Variants in MYO1D observed in about 807,000 individuals in gnomAD.
The protein encoded by MYO1D is unconventional myosin-Id.
MYO1D carries 83 observed loss-of-function variants against 122.0 expected under a neutral mutation model. That is an observed-to-expected ratio of 0.68 (90% CI 0.57 to 0.82). The LOEUF (loss-of-function observed/expected upper bound fraction) is 0.82. Ranked by LOEUF, MYO1D falls within the 40% of genes least tolerant of loss-of-function variation. MYO1D has a pLI of 0.00. For missense variants in MYO1D, 1,157 were observed against 1,269.5 expected, an observed-to-expected ratio of 0.91 and a Z score of 1.35; for synonymous variants, 464 against 446.9, an observed-to-expected ratio of 1.04 and a Z score of -0.48.
chr17:32,570,514 C>T (rs914592603), intron 21 of MYO1D, among the ~76,000 whole-genome samples: 1 of 152,056 alleles, frequency 6.6e-6, no homozygotes, highest in Non-Finnish European at 1.5e-5. Flanking sequence ...CAGGCACCCG[C>T]CACATTTTTT....
intron 10 of MYO1D, chr17:32,759,754 A>C (rs1474906558): frequency 9.5e-6 from 2 of 211,492 alleles, no homozygotes; most frequent in African/African-American, 4.6e-5. Context: ...ACAAATACAA[A>C]AGTTCCCAAA....
chr17:32,666,261 C>T (rs143366097), intron 16 of MYO1D, among the ~76,000 whole-genome samples: 3 of 152,300 alleles, frequency 2.0e-5, no homozygotes, highest in Admixed American at 1.3e-4. Context: ...ACAGTCAGAA[C>T]AAGGCAAACT....
chr17:32,605,271 T>A, intron 20 of MYO1D, 30 bp from the exon 21 acceptor site: 1 of 1,536,022 alleles, frequency 6.5e-7, no homozygotes, highest in African/African-American at 1.4e-5. Context: ...GGAAAACTAT[T>A]TGGATCATTC....
intron 8 of MYO1D, among the ~76,000 whole-genome samples, chr17:32,761,982 T>C (rs2090006246): frequency 6.6e-6 from 1 of 152,030 alleles, no homozygotes; most frequent in Admixed American, 6.6e-5. Context: ...AGGAAAAAAT[T>C]ATTCTCTCTG....
intron 21 of MYO1D, among the ~76,000 whole-genome samples, chr17:32,555,239 C>T (rs993835846): frequency 1.3e-5 from 2 of 148,612 alleles, no homozygotes; most frequent in Non-Finnish European, 3.0e-5. Context: ...GTGTGGTTAG[C>T]ATGAAATACC....
chr17:32,847,885 C>A (rs1333552556), intron 1 of MYO1D, among the ~76,000 whole-genome samples: 1 of 152,112 alleles, frequency 6.6e-6, no homozygotes, highest in Non-Finnish European at 1.5e-5. Context: ...GTCCTCAGCA[C>A]ACAACAGTAC....
intron 8 of MYO1D, among the ~76,000 whole-genome samples, chr17:32,762,140 G>A (rs1449491302): frequency 3.3e-5 from 5 of 152,012 alleles, no homozygotes; most frequent in African/African-American, 1.2e-4. Context: ...AGAAGGATGA[G>A]TAAGAGGTAG....
intron 21 of MYO1D, among the ~76,000 whole-genome samples, chr17:32,548,643 T>C (rs1256252020): frequency 6.6e-6 from 1 of 151,966 alleles, no homozygotes; most frequent in Non-Finnish European, 1.5e-5. Context: ...CTGTGTTGCA[T>C]GGGACACCAA....
Position 32,493,816 on chromosome 17 carries a change from C to G in MYO1D, c.*943G>C, listed in dbSNP as rs2150847638. On this transcript the variant is annotated 3_prime_UTR_variant, in exon 22 of 22. Transcript: ENST00000318217. Reference sequence around the variant, plus strand: ...TGCCCCGCTTCCTGCTTCCCGTCATCCCGTGTCTTGACCCCGCCCTTGCTG... The same window carrying G: ...TGCCCCGCTTCCTGCTTCCCGTCATGCCGTGTCTTGACCCCGCCCTTGCTG... The G allele has an allele frequency of 6.6e-6, 1 of 152,514 alleles. No individual in the cohort carries two copies. Among genetic ancestry groups the G allele is most frequent in the African/African-American group, 2.4e-5 (1 of 41,580 alleles). The allele number at this position is 152,514 out of a possible 1,614,324, so 9.4% of individuals were successfully genotyped here.
intron 12 of MYO1D, among the ~76,000 whole-genome samples, chr17:32,747,922 C>G (rs2151008527): frequency 6.6e-6 from 1 of 152,096 alleles, no homozygotes; most frequent in Non-Finnish European, 1.5e-5. Flanking sequence ...TGGAGTGATG[C>G]AGCTACAAGC....
intron 1 of MYO1D, among the ~76,000 whole-genome samples, chr17:32,826,473 A>G (rs939937120): frequency 2.0e-5 from 3 of 152,248 alleles, no homozygotes; most frequent in African/African-American, 7.2e-5. Flanking sequence ...TTTAGTTGCA[A>G]ATGAGTAAAT....
rs56214129 is a variant in MYO1D at position 32,560,528 on chromosome 17, CATATATATATATATATATATATATAT to C, written c.2864+44533_2864+44558del. ...AAAAAAAAGTAATACCCAGAGACAA[CATATATATATATATATATATATATAT>C]ATATATATATATATATATATATAAC... On this transcript the variant is annotated intron_variant, in intron 21 of 21. Transcript: ENST00000318217. 1.6e-3 allele frequency among the ~76,000 whole-genome samples: 107 copies of C among 65,440 alleles called. 4 individuals are homozygous for C. Among genetic ancestry groups the C allele is most frequent in the Non-Finnish European group, 2.8e-3 (86 of 31,038 alleles). 42.9% of individuals were successfully genotyped at this position (65,440 alleles called of 152,430 possible). A position where few individuals can be genotyped will look rare whatever the true frequency, so the allele number is the denominator to read the frequency against.
intron 21 of MYO1D, among the ~76,000 whole-genome samples, chr17:32,556,649 T>C (rs1266285709): frequency 6.6e-6 from 1 of 151,622 alleles, no homozygotes; most frequent in Admixed American, 6.6e-5. Flanking sequence ...CCTCCCAAAG[T>C]GTCTGGATTG....
chr17:32,734,965 G>A (rs1458765087), intron 14 of MYO1D: 1 of 151,622 alleles, frequency 6.6e-6, no homozygotes, highest in African/African-American at 2.4e-5. Flanking sequence ...TGTAATCCCA[G>A]CTACTCAGGA....
At chr17:32,718,909 C>T (rs1598036844) in intron 15 of MYO1D, among the ~76,000 whole-genome samples, 1 of 152,264 alleles carries the variant, frequency 6.6e-6, no homozygotes, top group East Asian at 1.9e-4. Flanking sequence ...TCCAAAATCT[C>T]TTATTTGCAG....
rs2090813793 is a variant in MYO1D at position 32,835,482 on chromosome 17, C to T, written c.95+41296G>A. On this transcript the variant is annotated intron_variant, in intron 1 of 21. Transcript: ENST00000318217. ...GTAGAGGGCCTACAACAGAAATGCA[C>T]TCAATAAATAACTTGAATAAATGAA... 2.0e-5 allele frequency among the ~76,000 whole-genome samples: 3 copies of T among 152,174 alleles called. 1 individual carries two copies. In the South Asian group the frequency reaches 6.2e-4, roughly 32 times the overall value.
rs555360459 is a variant in MYO1D at position 32,501,992 on chromosome 17, G to A, written c.2865-7077C>T. Among the ~76,000 whole-genome samples, 4 of 152,292 alleles carry A rather than the reference G, an allele frequency of 2.6e-5. No individual in the cohort carries two copies. The South Asian group carries it at 8.3e-4, about 32-fold the overall frequency. On this transcript the variant is annotated intron_variant, in intron 21 of 21. Transcript: ENST00000318217. Reference sequence around the variant, plus strand: ...CTGACACCATCTCCAGGTAGATGATGTCGGAATTGAATCGGAGGACACCCA... The same window carrying A: ...CTGACACCATCTCCAGGTAGATGATATCGGAATTGAATCGGAGGACACCCA...
chr17:32,778,843 T>C (rs1401629451), intron 2 of MYO1D, among the ~76,000 whole-genome samples: 1 of 152,110 alleles, frequency 6.6e-6, no homozygotes. Context: ...AGGAAAAAGG[T>C]ACTGATGTGG....
At chr17:32,620,869 G>A (rs1043181361) in intron 20 of MYO1D, among the ~76,000 whole-genome samples, 4 of 152,124 alleles carry the variant, frequency 2.6e-5, no homozygotes, top group African/African-American at 7.2e-5. Context: ...AAAAAGCTAC[G>A]AGAGCCCATC....
Sources: allele counts gnomAD v4.1 joint callset (sites outside exome capture counted in the v4.1 genomes callset), GRCh38; gene constraint gnomAD v4.1.1; transcripts MANE v1.5; gene names NCBI Gene and HGNC (gene_info 2026-07-23, HGNC 2026-07-21).